Variants in PRMT3 observed in about 807,000 individuals in gnomAD.
PRMT3 encodes protein arginine N-methyltransferase 3.
A neutral mutation model predicts 71.9 loss-of-function variants in PRMT3; 62 were observed. The observed-to-expected ratio is 0.86, with a 90% CI of 0.70 to 1.07. PRMT3 has a LOEUF of 1.07. Ranked by LOEUF, PRMT3 falls within the 50% of genes least tolerant of loss-of-function variation. The pLI is 0.00. For synonymous variants in PRMT3, 213 were observed against 220.4 expected, an observed-to-expected ratio of 0.97 and a Z score of 0.30; for missense variants, 663 against 643.0, an observed-to-expected ratio of 1.03 and a Z score of -0.34.
chr11:20,500,096 C>T (rs1041358757), intron 15 of PRMT3, among the ~76,000 whole-genome samples: 2 of 152,108 alleles, frequency 1.3e-5, no homozygotes, highest in Admixed American at 6.5e-5. Flanking sequence ...GCACAGACAG[C>T]GAGAGCTCCT....
At chr11:20,399,538 T>C (rs1171306340) in intron 7 of PRMT3, among the ~76,000 whole-genome samples, 1 of 152,208 alleles carries the variant, frequency 6.6e-6, no homozygotes, top group African/African-American at 2.4e-5. Flanking sequence ...TTTTTATGTT[T>C]AGAGTATTTT....
chr11:20,480,129 A>G (rs1850895439), intron 13 of PRMT3, among the ~76,000 whole-genome samples: 1 of 152,152 alleles, frequency 6.6e-6, no homozygotes. Context: ...CTGGTCATGG[A>G]CATCAGAATA....
chr11:20,488,151 A>G (rs1464163411), intron 13 of PRMT3, among the ~76,000 whole-genome samples: 2 of 152,106 alleles, frequency 1.3e-5, no homozygotes, highest in Non-Finnish European at 2.9e-5. Context: ...AAATTAATTG[A>G]AAAAGAAAGA....
At chr11:20,415,325 A>G (rs919813091) in intron 9 of PRMT3, among the ~76,000 whole-genome samples, 1 of 152,040 alleles carries the variant, frequency 6.6e-6, no homozygotes. Context: ...AATCCCCTTA[A>G]TTTCTGATTC....
At chr11:20,406,736 A>G (rs898041903) in intron 8 of PRMT3, 1 of 152,198 alleles carries the variant, frequency 6.6e-6, no homozygotes, top group Non-Finnish European at 1.5e-5. Flanking sequence ...TGTTTTTCAC[A>G]GTGGGTGTAC....
chr11:20,419,888 T>C (rs1165157406), intron 9 of PRMT3, among the ~76,000 whole-genome samples: 1 of 152,212 alleles, frequency 6.6e-6, no homozygotes, highest in African/African-American at 2.4e-5. Flanking sequence ...ATTGGAAAGC[T>C]AGGCCAGGCA....
chr11:20,443,321 A>C (rs1393271693), intron 10 of PRMT3, among the ~76,000 whole-genome samples: 2 of 152,116 alleles, frequency 1.3e-5, no homozygotes, highest in Non-Finnish European at 2.9e-5. Flanking sequence ...AGCAGATGAG[A>C]CTGTAAATTC....
In PRMT3 at chr11:20,434,490, G is replaced by A. The variant is rs192841591; in HGVS notation, c.993+7625G>A. 1.2e-3 allele frequency among the ~76,000 whole-genome samples: 180 copies of A among 152,110 alleles called. 2 individuals are homozygous for A. Among genetic ancestry groups the A allele is most frequent in the Non-Finnish European group, 2.1e-3 (144 of 67,990 alleles). Reference sequence around the variant, plus strand: ...GATGGTATTGCCTAGGTTGTCTTTCGGGGTTTTTATAGTTTTGGGTTTTAC... The same window carrying A: ...GATGGTATTGCCTAGGTTGTCTTTCAGGGTTTTTATAGTTTTGGGTTTTAC... On this transcript the variant is annotated intron_variant, in intron 10 of 15. Transcript: ENST00000331079.
chr11:20,504,023 G>A (rs1851520602), intron 15 of PRMT3, among the ~76,000 whole-genome samples: 1 of 152,168 alleles, frequency 6.6e-6, no homozygotes, highest in Non-Finnish European at 1.5e-5. Context: ...GCCGTTTTGA[G>A]TATGTAGTTA....
At chr11:20,484,875 A>AT (rs1481138819) in intron 13 of PRMT3, among the ~76,000 whole-genome samples, 4 of 152,342 alleles carry the variant, frequency 2.6e-5, no homozygotes, top group African/African-American at 7.2e-5. Flanking sequence ...AAGTTAACAA[A>AT]TAAGGAAGTA....
In PRMT3 at chr11:20,509,278, A is replaced by G. The variant is rs1409897122; in HGVS notation, c.*865A>G. 2 of 152,126 alleles carry G rather than the reference A, an allele frequency of 1.3e-5. No homozygotes were observed. Among genetic ancestry groups the G allele is most frequent in the South Asian group, 4.1e-4 (2 of 4,830 alleles). The allele number at this position is 152,126 out of a possible 1,614,324, so 9.4% of individuals were successfully genotyped here. On this transcript the variant is annotated 3_prime_UTR_variant, in exon 16 of 16. Transcript: ENST00000331079. ...ATTTTAATAAAATGTATCAACTTAT[A>G]AAATATTTTAAAAATATTGATATTA...
rs149362244 is a variant in PRMT3, at chr11:20,402,973, T to C, written c.760T>C (p.Phe254Leu). ...TTTCATATACCAAAATCCACATATC[T>C]TCAAAGACAAGGTAAGTAGTATAGG... is the stretch of plus-strand genomic sequence containing the variant. The part of the protein sequence containing the change: ...RDFIYQNPHI[F>L]KDKVVLDVGC... The change falls in exon 8 of 16, where the codon TTC (phenylalanine) becomes CTC (leucine). Residue 254 changes from phenylalanine to leucine, a missense_variant. Coordinates refer to ENST00000331079, the MANE Select transcript of PRMT3 (RefSeq NM_005788.4). The C allele has an allele frequency of 9.1e-4, 1,448 of 1,597,532 alleles. No homozygotes were observed. Among genetic ancestry groups the C allele is most frequent in the Non-Finnish European group, 1.2e-3 (1,386 of 1,165,074 alleles).
At chr11:20,439,673 T>A (rs1192757999) in intron 10 of PRMT3, among the ~76,000 whole-genome samples, 1 of 152,202 alleles carries the variant, frequency 6.6e-6, no homozygotes, top group Admixed American at 6.5e-5. Flanking sequence ...AATATTACCA[T>A]GTTTGAAGTT....
At chr11:20,400,106 G>A (rs1045206382) in intron 7 of PRMT3, among the ~76,000 whole-genome samples, 3 of 152,108 alleles carry the variant, frequency 2.0e-5, no homozygotes, top group Non-Finnish European at 2.9e-5. Context: ...TTCTTAGAAC[G>A]ATTCTTAGCA....
chr11:20,455,232 C>T (rs1029437709), intron 11 of PRMT3, among the ~76,000 whole-genome samples: 5 of 152,128 alleles, frequency 3.3e-5, no homozygotes, highest in African/African-American at 9.6e-5. Context: ...ATGTGCTAAC[C>T]GTGTCAAATA....
intron 8 of PRMT3, among the ~76,000 whole-genome samples, chr11:20,404,033 T>C (rs989964442): frequency 6.6e-6 from 1 of 152,120 alleles, no homozygotes; most frequent in Non-Finnish European, 1.5e-5. Context: ...GTAATTTATA[T>C]GGTGCTCTGA....
In PRMT3 at chr11:20,395,930, G is replaced by A. The variant is rs1227377480; in HGVS notation, c.528G>A (p.Leu176=). The change falls in exon 6 of 16, where the codon TTG becomes TTA. Residue 176 remains leucine, a synonymous_variant. Transcript: ENST00000331079. ...EARALSAEAA[L]ARAREDLQKM... ...GGGCACTGTCTGCTGAAGCCGCATT[G>A]GCCAGAGCACGTGAGGATCTGCAAA... 1 of 1,613,402 alleles carries A rather than the reference G, an allele frequency of 6.2e-7. No homozygotes were observed. The highest frequency in any genetic ancestry group is 8.5e-7 in the Non-Finnish European group (1 of 1,179,886).
chr11:20,459,353 C>T (rs766411062), intron 11 of PRMT3, among the ~76,000 whole-genome samples: 21 of 152,162 alleles, frequency 1.4e-4, no homozygotes, highest in Non-Finnish European at 2.6e-4. Flanking sequence ...ATAGTGTGAA[C>T]GGCACTCCCT....
rs376510193 is a variant in PRMT3, at chr11:20,387,930, G to T, written c.29-89G>T. 92 of 1,595,032 alleles carry T rather than the reference G, an allele frequency of 5.8e-5. 1 individual carries two copies. The African/African-American group carries it at 9.5e-4, about 16-fold the overall frequency. On this transcript the variant is annotated intron_variant, in intron 1 of 15. Coordinates refer to ENST00000331079, the MANE Select transcript of PRMT3 (RefSeq NM_005788.4). The surrounding 1 kb of genome is among the most constrained non-coding windows in gnomAD (Gnocchi z 4.3). ...TGAGTGAGGGCCGCGGGCGAACGGGGCGGAGGAGAGCCCATCGTCACCTGC... is the reference window on the plus strand; with the variant it reads ...TGAGTGAGGGCCGCGGGCGAACGGGTCGGAGGAGAGCCCATCGTCACCTGC...
Sources: gnomAD v4.1 joint callset for allele counts (sites outside exome capture counted in the v4.1 genomes callset) on GRCh38, gnomAD v4.1.1 for gene constraint, Gnocchi (gnomAD v3.1) non-coding constraint, MANE v1.5 for transcripts, NCBI Gene and HGNC (gene_info 2026-07-23, HGNC 2026-07-21) for gene names.